The following PCDHA6 variants were observed in gnomAD, a reference collection of about 807,000 sequenced individuals.
PCDHA6 encodes protocadherin alpha 6, also known as protocadherin alpha-6.
A neutral mutation model predicts 60.3 loss-of-function variants in PCDHA6; 55 were observed. That is an observed-to-expected ratio of 0.91 (90% CI 0.73 to 1.14). The LOEUF (loss-of-function observed/expected upper bound fraction) is 1.14, where lower values mean the gene tolerates loss of function less well. Among genes scored for constraint, PCDHA6 ranks in the 50% most tolerant of loss-of-function variants. The probability of loss-of-function intolerance (pLI) is 0.00; values close to 1 mark genes in which losing one functional copy is unlikely to be tolerated. For synonymous variants in PCDHA6, 652 were observed against 557.9 expected, an observed-to-expected ratio of 1.17 and a Z score of -2.38; for missense variants, 1,327 against 1,256.5, an observed-to-expected ratio of 1.06 and a Z score of -0.85.
chr5:140,881,145 A>G (rs1335769260), intron 1 of PCDHA6, among the ~76,000 whole-genome samples: 1 of 152,246 alleles, frequency 6.6e-6, no homozygotes, highest in Non-Finnish European at 1.5e-5. Context: ...TTATAACAAT[A>G]GATAAAAGTA....
chr5:140,934,209 C>G (rs1554209791), intron 1 of PCDHA6, among the ~76,000 whole-genome samples: 1 of 152,068 alleles, frequency 6.6e-6, no homozygotes, highest in Non-Finnish European at 1.5e-5. Context: ...TTTCCTCACA[C>G]AAAATGTTTA....
At chr5:140,964,677 A>G (rs578237071) in intron 1 of PCDHA6, among the ~76,000 whole-genome samples, 11 of 152,090 alleles carry the variant, frequency 7.2e-5, no homozygotes, top group Non-Finnish European at 1.0e-4. Flanking sequence ...CAGGTCCACA[A>G]TTTGTGCACT....
chr5:140,832,113 T>G (rs1554133464), intron 1 of PCDHA6, among the ~76,000 whole-genome samples: 1 of 152,230 alleles, frequency 6.6e-6, no homozygotes, highest in Non-Finnish European at 1.5e-5. Flanking sequence ...TAAAAGCAAT[T>G]TAAAATGTGT....
At chr5:140,861,033 G>A (rs1443263351) in intron 1 of PCDHA6, 1 of 152,266 alleles carries the variant, frequency 6.6e-6, no homozygotes, top group Non-Finnish European at 1.5e-5. Flanking sequence ...CCGGCCGAAA[G>A]GTATTTTTTT....
chr5:140,870,903 A>G lies in PCDHA6; in HGVS notation c.2394+40418A>G, dbSNP rs182770106. On this transcript the variant is annotated intron_variant, in intron 1 of 3. Transcript: ENST00000529310. ...AGGTGCGCGCAGTGGATGCGGACTC[A>G]GGCTACAACGCGTGGCTTTCATATG... The G allele has an allele frequency of 1.9e-6, 3 of 1,613,930 alleles. No individual in the cohort carries two copies. In the East Asian group the frequency reaches 6.7e-5, roughly 36 times the overall value.
intron 1 of PCDHA6, chr5:140,849,234 T>C: frequency 2.9e-6 from 3 of 1,050,956 alleles, no homozygotes; most frequent in Non-Finnish European, 4.0e-6. Flanking sequence ...CAGAACCCTG[T>C]ATACGGTGAA....
intron 1 of PCDHA6, among the ~76,000 whole-genome samples, chr5:140,895,371 T>C (rs1554186488): frequency 1.3e-5 from 2 of 152,304 alleles, no homozygotes; most frequent in East Asian, 3.9e-4. Context: ...TTGGCACTTT[T>C]TGGAGTTCTT....
Position 140,828,954 on chromosome 5 carries a change from T to C in PCDHA6, c.863T>C (p.Met288Thr). The C allele has an allele frequency of 1.2e-6, 2 of 1,614,236 alleles. No individual in the cohort carries two copies. The highest frequency in any genetic ancestry group is 1.1e-5 in the South Asian group (1 of 91,082). ...TCTTTTAATAGCCTTGTTGCAGCCA[T>C]GGTTATTGACCACTTTAGCATAGAT... ...SYSFNSLVAA[M>T]VIDHFSIDRN... Residue 288 changes from methionine (M) to threonine (T), a missense_variant, in exon 1 of 4, where the codon ATG becomes ACG. Transcript: ENST00000529310.
At chr5:140,929,417 T>C in intron 1 of PCDHA6, 2 of 1,503,568 alleles carry the variant, frequency 1.3e-6, no homozygotes, top group Non-Finnish European at 1.8e-6. Context: ...TTTCACAACA[T>C]TTCATCAATT....
intron 3 of PCDHA6, among the ~76,000 whole-genome samples, chr5:140,992,421 A>C (rs1412648457): frequency 6.6e-6 from 1 of 152,164 alleles, no homozygotes; most frequent in African/African-American, 2.4e-5. Flanking sequence ...CAGGTCTAAG[A>C]ATATTGTTCC....
chr5:140,927,894 C>T (rs372774238), intron 1 of PCDHA6: 2 of 1,614,208 alleles, frequency 1.2e-6, no homozygotes, highest in South Asian at 2.2e-5. Context: ...CTGACGTGAA[C>T]GATCATGCCC....
chr5:140,855,100 C>G (rs1054682058), intron 1 of PCDHA6, among the ~76,000 whole-genome samples: 2 of 149,782 alleles, frequency 1.3e-5, no homozygotes, highest in Non-Finnish European at 3.0e-5. Flanking sequence ...TGTGCAGTAG[C>G]AATAATTAAG....
At chr5:140,937,927 A>AT (rs201742095) in intron 1 of PCDHA6, among the ~76,000 whole-genome samples, 1 of 149,222 alleles carries the variant, frequency 6.7e-6, no homozygotes, top group Non-Finnish European at 1.5e-5. Flanking sequence ...AAAAAAAAAA[A>AT]GTTTAATTTG....
At chr5:140,927,033 G>T in intron 1 of PCDHA6, 1 of 1,612,344 alleles carries the variant, frequency 6.2e-7, no homozygotes, top group Non-Finnish European at 8.5e-7. Context: ...GGCTGCCAGC[G>T]GCCGCTATGT....
chr5:140,868,581 A>G (rs1554162109), intron 1 of PCDHA6: 1 of 152,846 alleles, frequency 6.5e-6, no homozygotes, highest in African/African-American at 2.4e-5. Flanking sequence ...ACTTTCAGGA[A>G]ATGTTTAACC....
At chr5:140,946,948 T>C (rs1315606645) in intron 1 of PCDHA6, among the ~76,000 whole-genome samples, 2 of 151,534 alleles carry the variant, frequency 1.3e-5, no homozygotes, top group African/African-American at 4.8e-5. Context: ...TTAAGAATAA[T>C]GTATATTTCA....
At chr5:140,915,861 G>A (rs2077339820) in intron 1 of PCDHA6, among the ~76,000 whole-genome samples, 1 of 152,182 alleles carries the variant, frequency 6.6e-6, no homozygotes, top group African/African-American at 2.4e-5. Flanking sequence ...AGCCAAGTTT[G>A]CATCCTTCCC....
At position 140,828,498 on chromosome 5, in the gene PCDHA6, A is replaced by T; in HGVS notation, c.407A>T (p.Glu136Val). The change falls in exon 1 of 4, where the codon GAG (glutamate) becomes GTG (valine). Residue 136 changes from glutamate to valine, a missense_variant. Physicochemically the swap from Glu to Val is moderately radical, Grantham distance 121. Transcript: ENST00000529310. ...GACAACCCGCCCTTGTTCCCGGTAG[A>T]GGAACAAAGAGTGCTGATTTACGAA... ...INDNPPLFPV[E>V]EQRVLIYESR... The T allele has an allele frequency of 6.2e-7, 1 of 1,614,228 alleles. No individual in the cohort carries two copies. Among genetic ancestry groups the T allele is most frequent in the Middle Eastern group, 1.6e-4 (1 of 6,062 alleles).
chr5:140,963,301 A>T (rs2095755158), intron 1 of PCDHA6, among the ~76,000 whole-genome samples: 1 of 152,238 alleles, frequency 6.6e-6, no homozygotes, highest in Non-Finnish European at 1.5e-5. Flanking sequence ...GAGAGAAAAT[A>T]AGAAGCTGTT....
Sources: allele counts gnomAD v4.1 joint callset (sites outside exome capture counted in the v4.1 genomes callset), GRCh38; gene constraint gnomAD v4.1.1; transcripts MANE v1.5; gene names NCBI Gene and HGNC (gene_info 2026-07-23, HGNC 2026-07-21).